The following ABRAXAS2 variants were observed in gnomAD, a reference collection of about 807,000 sequenced individuals.
ABRAXAS2 encodes the protein BRISC complex subunit Abraxas 2.
In ABRAXAS2, 23 loss-of-function variants were observed where a neutral mutation model predicts 49.0. The ratio of observed to expected loss-of-function variants is 0.47; its 90% CI spans 0.34 to 0.66. The LOEUF (loss-of-function observed/expected upper bound fraction) is 0.66. Ranked by LOEUF, ABRAXAS2 falls within the 30% of genes least tolerant of loss-of-function variation. The pLI is 0.01. For missense variants in ABRAXAS2, 443 were observed against 511.9 expected, an observed-to-expected ratio of 0.87 and a Z score of 1.30; for synonymous variants, 168 against 180.2, an observed-to-expected ratio of 0.93 and a Z score of 0.54.
chr10:124,828,625 C>T (rs1425403417), intron 5 of ABRAXAS2, 131 bp from the exon 6 acceptor site: 14 of 722,598 alleles, frequency 1.9e-5, no homozygotes, highest in African/African-American at 7.2e-5. Context: ...CTGCCTGCCT[C>T]GGCCTCCCAA....
At chr10:124,815,727 G>C (rs539700951) in intron 2 of ABRAXAS2, among the ~76,000 whole-genome samples, 2 of 152,188 alleles carry the variant, frequency 1.3e-5, no homozygotes, top group African/African-American at 4.8e-5. Flanking sequence ...GATCTACCCT[G>C]TAATGATTGT....
chr10:124,829,833 G>T (rs1950919446), intron 7 of ABRAXAS2, among the ~76,000 whole-genome samples: 1 of 152,198 alleles, frequency 6.6e-6, no homozygotes, highest in South Asian at 2.1e-4. Context: ...ATAACTGGTT[G>T]CATCTCTGCT....
In ABRAXAS2 at chr10:124,834,864, A is replaced by T. The variant is rs748282862; in HGVS notation, c.1141A>T (p.Ile381Phe). 105 of 1,613,980 alleles carry T rather than the reference A, an allele frequency of 6.5e-5. No homozygotes were observed. Among genetic ancestry groups the T allele is most frequent in the Non-Finnish European group, 8.6e-5 (102 of 1,180,032 alleles). Residue 381 changes from isoleucine (I) to phenylalanine (F), a missense_variant, in exon 9 of 9, where the codon ATT (isoleucine) becomes TTT (phenylalanine). Ile to Phe is a conservative substitution (Grantham distance 21). Around this residue, in one of 3 missense-constraint regions of ABRAXAS2, gnomAD observed 230 missense variants for 237.0 expected, o/e 0.97. Transcript: ENST00000298492. Reference protein sequence around the residue: ...DSDDSDYENLIDPTEPSNSEY... With the variant: ...DSDDSDYENLFDPTEPSNSEY... The stretch of plus-strand genomic sequence containing the variant: ...AGACGACAGTGATTATGAAAATTTG[A>T]TTGACCCTACAGAGCCTTCTAATAG...
chr10:124,814,141 G>A lies in ABRAXAS2; in HGVS notation c.164-2435G>A, dbSNP rs375932408. Among the ~76,000 whole-genome samples the A allele has an allele frequency of 4.6e-5, 7 of 151,494 alleles. No individual in the cohort carries two copies. In the South Asian group the frequency reaches 1.5e-3, roughly 32 times the overall value. ...CAAGTAGCTGGGATTACAGGCATGC[G>A]CCACCATGCCCGGCTAATTTTGTAT... On this transcript the variant is annotated intron_variant, in intron 2 of 8. Coordinates refer to ENST00000298492, the MANE Select transcript of ABRAXAS2 (RefSeq NM_032182.4).
At chr10:124,822,770 C>T (rs1013763188) in intron 4 of ABRAXAS2, among the ~76,000 whole-genome samples, 5 of 140,638 alleles carry the variant, frequency 3.6e-5, no homozygotes, top group African/African-American at 8.0e-5. Context: ...CCAGCCTGGG[C>T]GACAGAGCAA....
chr10:124,815,309 C>T (rs1379807671), intron 2 of ABRAXAS2, among the ~76,000 whole-genome samples: 1 of 152,116 alleles, frequency 6.6e-6, no homozygotes, highest in East Asian at 1.9e-4. Context: ...ATTCTTTTGC[C>T]TCAGCCTCCC....
At chr10:124,806,130 C>T (rs577486372) in intron 1 of ABRAXAS2, among the ~76,000 whole-genome samples, 10 of 151,720 alleles carry the variant, frequency 6.6e-5, no homozygotes, top group African/African-American at 2.2e-4. Context: ...GAAACCCCGT[C>T]TCTACTAAAA....
At position 124,821,321 on chromosome 10, in the gene ABRAXAS2, C is replaced by G. The variant is rs917777356; in HGVS notation, c.267+1871C>G. 2.0e-5 allele frequency among the ~76,000 whole-genome samples: 3 copies of G among 152,090 alleles called. No homozygotes were observed. The South Asian group carries it at 6.2e-4, about 32-fold the overall frequency. On this transcript the variant is annotated intron_variant, in intron 4 of 8. Transcript: ENST00000298492. Reference sequence around the variant, plus strand: ...GTGGCTCATGCCTGTAATCCCAGCACTTGGGGAGGCGGAGGCAGGTGGGTC... The same window carrying G: ...GTGGCTCATGCCTGTAATCCCAGCAGTTGGGGAGGCGGAGGCAGGTGGGTC...
chr10:124,817,257 A>G (rs747195961), intron 3 of ABRAXAS2, among the ~76,000 whole-genome samples: 11 of 152,216 alleles, frequency 7.2e-5, no homozygotes, highest in South Asian at 2.1e-4. Flanking sequence ...GTATACACCA[A>G]TGCCATATTA....
rs1393159394 is a variant in ABRAXAS2 at position 124,835,910 on chromosome 10, G to C, written c.*939G>C. 6.6e-6 allele frequency: 1 copy of C among 152,560 alleles called. No individual in the cohort carries two copies. Among genetic ancestry groups the C allele is most frequent in the Non-Finnish European group, 1.5e-5 (1 of 68,036 alleles). 9.5% of individuals were successfully genotyped at this position (152,560 alleles called of 1,614,324 possible). A position where few individuals can be genotyped will look rare whatever the true frequency, so the allele number is the denominator to read the frequency against. ...AGACATTTAATAATAAACTGTTTGGGAATCTTGGTGAATAAAGATTCATTT... is the reference window on the plus strand; with the variant it reads ...AGACATTTAATAATAAACTGTTTGGCAATCTTGGTGAATAAAGATTCATTT... On this transcript the variant is annotated 3_prime_UTR_variant, in exon 9 of 9. Transcript: ENST00000298492.
intron 1 of ABRAXAS2, among the ~76,000 whole-genome samples, chr10:124,802,926 T>G (rs1423337847): frequency 6.6e-6 from 1 of 152,184 alleles, no homozygotes; most frequent in African/African-American, 2.4e-5. Flanking sequence ...TTGAATGCAA[T>G]TAAATTATTG....
At chr10:124,825,619 C>G (rs1023721611) in intron 4 of ABRAXAS2, among the ~76,000 whole-genome samples, 5 of 152,148 alleles carry the variant, frequency 3.3e-5, no homozygotes, top group African/African-American at 1.2e-4. Context: ...TCAAAACAAT[C>G]TCAATTTACT....
At chr10:124,816,320 ATAAT>A (rs1950825017) in intron 2 of ABRAXAS2, among the ~76,000 whole-genome samples, 1 of 152,192 alleles carries the variant, frequency 6.6e-6, no homozygotes, top group Non-Finnish European at 1.5e-5. Context: ...GTATTCCTAA[ATAAT>A]ATCTTTCAGA....
intron 2 of ABRAXAS2, among the ~76,000 whole-genome samples, chr10:124,815,934 G>A (rs1479448374): frequency 1.5e-5 from 2 of 132,132 alleles, no homozygotes; most frequent in African/African-American, 5.9e-5. Context: ...ACAGAGTTTC[G>A]CTCTGTTGCC....
At chr10:124,803,492 T>A (rs188664613) in intron 1 of ABRAXAS2, among the ~76,000 whole-genome samples, 52 of 152,288 alleles carry the variant, frequency 3.4e-4, no homozygotes, top group African/African-American at 1.2e-3. Flanking sequence ...ACCATACTTT[T>A]CTGTACAGGG....
chr10:124,818,106 G>A (rs2134164885), intron 3 of ABRAXAS2, among the ~76,000 whole-genome samples: 1 of 152,210 alleles, frequency 6.6e-6, no homozygotes, highest in East Asian at 1.9e-4. Flanking sequence ...TTAAAGAATA[G>A]ACTTAGTTGG....
chr10:124,812,656 T>G (rs1384041959), intron 2 of ABRAXAS2, among the ~76,000 whole-genome samples: 1 of 151,306 alleles, frequency 6.6e-6, no homozygotes, highest in Non-Finnish European at 1.5e-5. Context: ...AATAAATAAA[T>G]AAATACACAT....
intron 8 of ABRAXAS2, 95 bp downstream of exon 8, chr10:124,831,558 G>A (rs181951117): frequency 2.9e-5 from 19 of 647,830 alleles, no homozygotes; most frequent in East Asian, 2.2e-4. Context: ...CTCTTTCTAC[G>A]CTCATCCAGT....
chr10:124,831,840 G>GTTT (rs1564925948), intron 8 of ABRAXAS2, among the ~76,000 whole-genome samples: 1 of 106,208 alleles, frequency 9.4e-6, no homozygotes, highest in Non-Finnish European at 1.8e-5. Flanking sequence ...ACTGTGTCCT[G>GTTT]TCTTTTTTTT....
Sources: allele counts gnomAD v4.1 joint callset (sites outside exome capture counted in the v4.1 genomes callset), GRCh38; gene constraint gnomAD v4.1.1; regional missense constraint gnomAD v4.1.1; transcripts MANE v1.5; gene names NCBI Gene and HGNC (gene_info 2026-07-23, HGNC 2026-07-21).